Variants in MB21D2 observed in about 807,000 individuals in gnomAD.
MB21D2 encodes nucleotidyltransferase MB21D2.
Under a neutral mutation model 33.3 loss-of-function variants are expected in MB21D2, and 9 were observed. The observed-to-expected ratio is 0.27, with a 90% CI of 0.16 to 0.47. The LOEUF (loss-of-function observed/expected upper bound fraction) is 0.47, where lower values mean the gene tolerates loss of function less well. MB21D2 is among the 20% of genes least tolerant of loss of function. The pLI is 0.99. For synonymous variants in MB21D2, 241 were observed against 236.3 expected, an observed-to-expected ratio of 1.02 and a Z score of -0.18; for missense variants, 540 against 624.6, an observed-to-expected ratio of 0.86 and a Z score of 1.44.
chr3:192,869,607 TA>T (rs1375689798), intron 1 of MB21D2, among the ~76,000 whole-genome samples: 1 of 152,096 alleles, frequency 6.6e-6, no homozygotes, highest in African/African-American at 2.4e-5. Flanking sequence ...CAAAGGAAAG[TA>T]AAAGCTTCCA....
intron 1 of MB21D2, among the ~76,000 whole-genome samples, chr3:192,834,370 T>A (rs1712386889): frequency 6.9e-6 from 1 of 144,968 alleles, no homozygotes; most frequent in Non-Finnish European, 1.5e-5. Context: ...AATCCAGTTA[T>A]GATGCAAATA....
At chr3:192,808,120 G>A (rs35435974) in intron 1 of MB21D2, among the ~76,000 whole-genome samples, 1,853 of 152,232 alleles carry the variant, frequency 0.012, 15 homozygotes, top group Non-Finnish European at 0.018. Flanking sequence ...GCATGCAAAT[G>A]ACATACATCA....
At chr3:192,878,009 GC>G (rs201205345) in intron 1 of MB21D2, among the ~76,000 whole-genome samples, 2,624 of 149,014 alleles carry the variant, frequency 0.018, 184 homozygotes, top group Admixed American at 0.13. Flanking sequence ...ACACTGAGAG[GC>G]AGCAACGGTG....
chr3:192,878,225 C>T (rs1465647639), intron 1 of MB21D2, among the ~76,000 whole-genome samples: 1 of 151,786 alleles, frequency 6.6e-6, no homozygotes, highest in African/African-American at 2.4e-5. Context: ...CTCACCTCAA[C>T]ACCCAAAAAA....
intron 1 of MB21D2, among the ~76,000 whole-genome samples, chr3:192,837,944 C>T (rs1312096589): frequency 1.3e-5 from 2 of 152,222 alleles, no homozygotes; most frequent in Non-Finnish European, 2.9e-5. Flanking sequence ...CATGACAGAA[C>T]ACCCCCAAAC....
intron 1 of MB21D2, among the ~76,000 whole-genome samples, chr3:192,864,115 T>A (rs1222061199): frequency 6.6e-6 from 1 of 152,204 alleles, no homozygotes; most frequent in Non-Finnish European, 1.5e-5. Flanking sequence ...GCAGTGGGTA[T>A]CAGGGAAAGC....
intron 1 of MB21D2, among the ~76,000 whole-genome samples, chr3:192,891,316 G>A (rs547622378): frequency 4.6e-5 from 7 of 152,170 alleles, no homozygotes; most frequent in African/African-American, 1.7e-4. Context: ...GCAGGCAGCC[G>A]ATTCATAACA....
chr3:192,835,333 G>C (rs1712413685), intron 1 of MB21D2, among the ~76,000 whole-genome samples: 1 of 150,396 alleles, frequency 6.6e-6, no homozygotes, highest in Admixed American at 6.6e-5. Flanking sequence ...GCGGGCACCT[G>C]TAGTCCCAGC....
chr3:192,901,524 A>G (rs1193627225), intron 1 of MB21D2, among the ~76,000 whole-genome samples: 1 of 147,944 alleles, frequency 6.8e-6, no homozygotes, highest in Non-Finnish European at 1.5e-5. Flanking sequence ...CATGAGCACC[A>G]GGATCTCAAG....
rs940314044 is a variant in MB21D2 at position 192,874,774 on chromosome 3, A to C, written c.211+42856T>G. Among the ~76,000 whole-genome samples the C allele has an allele frequency of 3.9e-5, 6 of 152,312 alleles. No individual in the cohort carries two copies. The East Asian group carries it at 1.2e-3, about 29-fold the overall frequency. ...AGAAAAACAGAGAAAGATTTGAGGA[A>C]GACAGGAACATAAGCTTGGAGCATT... is the stretch of plus-strand genomic sequence containing the variant. On this transcript the variant is annotated intron_variant, in intron 1 of 1. Transcript: ENST00000392452.
chr3:192,862,725 G>A (rs763794473), intron 1 of MB21D2, among the ~76,000 whole-genome samples: 7 of 152,172 alleles, frequency 4.6e-5, no homozygotes, highest in African/African-American at 9.7e-5. Context: ...AAAGTCGGAC[G>A]CGGACATACA....
At chr3:192,830,241 AGT>A (rs34472117) in intron 1 of MB21D2, among the ~76,000 whole-genome samples, 23,347 of 146,092 alleles carry the variant, frequency 0.16, 2,130 homozygotes, top group African/African-American at 0.27. Flanking sequence ...AGTGTGTGTG[AGT>A]GTGTGTGTGT....
At chr3:192,916,250 T>C (rs1012040983) in intron 1 of MB21D2, among the ~76,000 whole-genome samples, 4 of 152,126 alleles carry the variant, frequency 2.6e-5, no homozygotes, top group Non-Finnish European at 4.4e-5. Flanking sequence ...AGTTTTAACA[T>C]GTTTCATCTA....
chr3:192,899,189 G>A (rs556996113), intron 1 of MB21D2, among the ~76,000 whole-genome samples: 2 of 152,332 alleles, frequency 1.3e-5, no homozygotes, highest in East Asian at 1.9e-4. Context: ...GGAAGCTAGA[G>A]ATGTGGGCTG....
At chr3:192,898,638 T>C (rs939140148) in intron 1 of MB21D2, among the ~76,000 whole-genome samples, 3 of 152,182 alleles carry the variant, frequency 2.0e-5, no homozygotes, top group African/African-American at 7.2e-5. Context: ...TATTTGTTGA[T>C]CTGCTTTTCA....
chr3:192,809,015 C>T (rs1027607147), intron 1 of MB21D2, among the ~76,000 whole-genome samples: 2 of 152,034 alleles, frequency 1.3e-5, no homozygotes, highest in African/African-American at 4.8e-5. Context: ...CATGCCACTA[C>T]CATGCACTAC....
At chr3:192,843,429 T>A (rs772533747) in intron 1 of MB21D2, among the ~76,000 whole-genome samples, 1 of 152,078 alleles carries the variant, frequency 6.6e-6, no homozygotes, top group Non-Finnish European at 1.5e-5. Flanking sequence ...GAGACTGTCA[T>A]CACAGCGTAG....
At chr3:192,831,666 A>G (rs1712318231) in intron 1 of MB21D2, among the ~76,000 whole-genome samples, 4 of 152,182 alleles carry the variant, frequency 2.6e-5, no homozygotes, top group Admixed American at 2.0e-4. Context: ...AGTGAAAAAT[A>G]TTCAAATTCA....
intron 1 of MB21D2, among the ~76,000 whole-genome samples, chr3:192,844,141 G>A (rs948560627): frequency 1.3e-5 from 2 of 152,190 alleles, no homozygotes; most frequent in Non-Finnish European, 2.9e-5. Context: ...CCCGGGTGCC[G>A]CAGCCTCGCC....
Sources: allele counts gnomAD v4.1 joint callset (sites outside exome capture counted in the v4.1 genomes callset), GRCh38; gene constraint gnomAD v4.1.1; transcripts MANE v1.5; gene names NCBI Gene and HGNC (gene_info 2026-07-23, HGNC 2026-07-21).